C2orf72: variants seen among roughly 807,000 people sequenced by gnomAD.
C2orf72 encodes chromosome 2 open reading frame 72.
C2orf72 carries 16 observed loss-of-function variants against 14.4 expected under a neutral mutation model. The ratio of observed to expected loss-of-function variants is 1.11; its 90% confidence interval spans 0.75 to 1.69. C2orf72 has a LOEUF of 1.69. C2orf72 is among the 40% of genes most tolerant of loss of function. C2orf72 has a pLI of 0.00. For synonymous variants in C2orf72, 168 were observed against 176.8 expected (o/e 0.95, Z 0.40); for missense variants, 371 against 358.3 (o/e 1.04, Z -0.29).
Position 231,047,420 on chromosome 2 carries a change from A to C in C2orf72, c.*399A>C, listed in dbSNP as rs931144272. ...CAGCTGGGAAGAACTCTGAACCAGA[A>C]GTCATCAGAGCTGAGGCATGGCCTT... On this transcript the variant is annotated 3_prime_UTR_variant, in exon 3 of 3. Transcript: ENST00000373640. The C allele has an allele frequency of 2.8e-6, 1 of 354,894 alleles. No individual in the cohort carries two copies. The highest frequency in any genetic ancestry group is 2.1e-5 in the African/African-American group (1 of 46,812). 22.0% of individuals were successfully genotyped at this position (354,894 alleles called of 1,614,324 possible). A position where few individuals can be genotyped will look rare whatever the true frequency, so the allele number is the denominator to read the frequency against.
At chr2:231,045,161 G>A (rs1693398980) in intron 2 of C2orf72, among the ~76,000 whole-genome samples, 1 of 151,772 alleles carries the variant, frequency 6.6e-6, no homozygotes, top group Non-Finnish European at 1.5e-5. Context: ...CTACTCGGGA[G>A]GCTGAGGCAG....
intron 2 of C2orf72, among the ~76,000 whole-genome samples, chr2:231,044,057 C>G (rs1458218857): frequency 6.6e-6 from 1 of 152,102 alleles, no homozygotes; most frequent in Non-Finnish European, 1.5e-5. Flanking sequence ...AGCTGTGTGT[C>G]TCAACATACC....
At chr2:231,038,259 A>C in intron 1 of C2orf72, 60 bp downstream of exon 1, 1 of 1,142,966 alleles carries the variant, frequency 8.7e-7, no homozygotes, top group Non-Finnish European at 1.1e-6. Context: ...ACGTCCCCCA[A>C]GTTGGACCCC....
At chr2:231,044,944 T>TA (rs1693392081) in intron 2 of C2orf72, among the ~76,000 whole-genome samples, 15 of 114,288 alleles carry the variant, frequency 1.3e-4, no homozygotes, top group African/African-American at 6.0e-4. Flanking sequence ...TATATATATC[T>TA]TTATATATAT....
In C2orf72 at chr2:231,037,727, G is replaced by A. The variant is rs764918530; in HGVS notation, c.162G>A (p.Arg54=). 2 of 1,012,108 alleles carry A rather than the reference G, an allele frequency of 2.0e-6. No homozygotes were observed. Among genetic ancestry groups the A allele is most frequent in the African/African-American group, 1.8e-5 (1 of 57,114 alleles). 62.7% of individuals were successfully genotyped at this position (1,012,108 alleles called of 1,614,324 possible). A position where few individuals can be genotyped will look rare whatever the true frequency, so the allele number is the denominator to read the frequency against. ...GCGCGCTGCTGCGGGACTTCGCACG[G>A]GCGGTGTTCCCGCCGGAGCCAGGCG... ...QSRALLRDFA[R]AVFPPEPGAA... is the part of the protein sequence containing the mutation. The change falls in exon 1 of 3, where the codon CGG becomes CGA. Residue 54 remains arginine (R), a synonymous_variant. Transcript: ENST00000373640.
chr2:231,038,549 A>G (rs1168538609), intron 1 of C2orf72, among the ~76,000 whole-genome samples: 1 of 150,782 alleles, frequency 6.6e-6, no homozygotes, highest in Non-Finnish European at 1.5e-5. Flanking sequence ...GGAGTGGGGA[A>G]GGAAATGGGA....
chr2:231,047,864 C>T lies in C2orf72; in HGVS notation c.*843C>T, dbSNP rs1693439496. The T allele has an allele frequency of 6.6e-6, 1 of 152,584 alleles. No homozygotes were observed. The highest frequency in any genetic ancestry group is 1.5e-5 in the Non-Finnish European group (1 of 68,334). 9.5% of individuals were successfully genotyped at this position (152,584 alleles called of 1,614,324 possible). ...GCTGCAGGGCCAGGACAGAAATAGC[C>T]ACACATGCCGGTGAGAACAAAGAGC... On this transcript the variant is annotated 3_prime_UTR_variant, in exon 3 of 3. Coordinates refer to ENST00000373640, the MANE Select transcript of C2orf72 (RefSeq NM_001144994.2).
chr2:231,041,143 C>A (rs1406035559), intron 1 of C2orf72, 153 bp from the exon 2 acceptor site: 14 of 541,682 alleles, frequency 2.6e-5, no homozygotes, highest in Non-Finnish European at 4.2e-5. Context: ...TAAAAACCCA[C>A]CCACTTTTGC....
intron 2 of C2orf72, 41 bp downstream of exon 2, chr2:231,041,450 CATGGAATTATGGGAGT>C: frequency 1.4e-6 from 2 of 1,456,004 alleles, no homozygotes; most frequent in African/African-American, 1.4e-5. Context: ...GGGCCAGGTG[CATGGAATTATGGGAGT>C]GGTCACGTGA....
At position 231,037,576 on chromosome 2, in the gene C2orf72, A is replaced by G. The variant is rs1372809485; in HGVS notation, c.11A>G (p.Glu4Gly). 1 of 1,048,224 alleles carries G rather than the reference A, an allele frequency of 9.5e-7. No individual in the cohort carries two copies. The highest frequency in any genetic ancestry group is 1.1e-6 in the Non-Finnish European group (1 of 873,226). The allele number at this position is 1,048,224 out of a possible 1,614,324, so 64.9% of individuals were successfully genotyped here. The part of the protein sequence containing the change: MER[E>G]LEALAARLAR... The stretch of plus-strand genomic sequence containing the variant: ...CGGGCGGCGGCCAGCATGGAGCGCG[A>G]GCTGGAGGCGCTGGCGGCCCGGCTT... The change falls in exon 1 of 3, where the codon GAG becomes GGG. Residue 4 changes from glutamate (E) to glycine (G), a missense_variant. Transcript: ENST00000373640.
intron 2 of C2orf72, 88 bp from the exon 3 acceptor site, chr2:231,046,794 C>G: frequency 7.3e-6 from 10 of 1,363,754 alleles, no homozygotes; most frequent in Non-Finnish European, 6.9e-6. Context: ...TAGGTATTTG[C>G]TGGGGACAAC....
At chr2:231,045,253 G>C (rs1186229023) in intron 2 of C2orf72, among the ~76,000 whole-genome samples, 1 of 151,526 alleles carries the variant, frequency 6.6e-6, no homozygotes, top group African/African-American at 2.4e-5. Context: ...AACAGAGCAA[G>C]ACTCCATCTC....
chr2:231,047,050 C>G lies in C2orf72; in HGVS notation c.*29C>G, dbSNP rs1398449882. On this transcript the variant is annotated 3_prime_UTR_variant, in exon 3 of 3. Transcript: ENST00000373640. ...CTGGACCCTTGCGCTGTCCCTGGCT[C>G]TAACCTACAGACTGGGGCCTGGCTC... 3.9e-6 allele frequency: 6 copies of G among 1,551,414 alleles called. No individual in the cohort carries two copies. Among genetic ancestry groups the G allele is most frequent in the Admixed American group, 3.9e-5 (2 of 50,986 alleles).
rs151073921 is a variant in C2orf72 at position 231,042,634 on chromosome 2, A to C, written c.748+1225A>C. On this transcript the variant is annotated intron_variant, in intron 2 of 2. Transcript: ENST00000373640. ...CAGAAACAATGGATGGTGGTTCAAA[A>C]TTAACTTTCATTGTGTCTCTCATTT... is the stretch of plus-strand genomic sequence containing the variant. Among the ~76,000 whole-genome samples, 57 of 152,322 alleles carry C rather than the reference A, an allele frequency of 3.7e-4. 1 individual carries two copies. The East Asian group carries it at 0.01, about 28-fold the overall frequency.
rs1342898180 is a variant in C2orf72, at chr2:231,048,184, C to A, written c.*1163C>A. On this transcript the variant is annotated 3_prime_UTR_variant, in exon 3 of 3. Coordinates refer to ENST00000373640, the MANE Select transcript of C2orf72 (RefSeq NM_001144994.2). The stretch of plus-strand genomic sequence containing the variant: ...TGTGTTTATTCACGGAGGGAACTCA[C>A]CATTACCTCCCTTGTCTTCTTTGCC... 6.6e-6 allele frequency: 1 copy of A among 152,210 alleles called. No individual in the cohort carries two copies. Among genetic ancestry groups the A allele is most frequent in the Non-Finnish European group, 1.5e-5 (1 of 68,046 alleles). 9.4% of individuals were successfully genotyped at this position (152,210 alleles called of 1,614,324 possible). A position where few individuals can be genotyped will look rare whatever the true frequency, so the allele number is the denominator to read the frequency against.
chr2:231,044,376 C>T (rs193064152), intron 2 of C2orf72, among the ~76,000 whole-genome samples: 1 of 152,106 alleles, frequency 6.6e-6, no homozygotes, highest in Non-Finnish European at 1.5e-5. Context: ...GGCATGATGG[C>T]GCGTGCCTGT....
At chr2:231,039,498 G>T (rs1051034281) in intron 1 of C2orf72, among the ~76,000 whole-genome samples, 8 of 151,980 alleles carry the variant, frequency 5.3e-5, no homozygotes, top group Non-Finnish European at 1.0e-4. Flanking sequence ...GAGTATTGGC[G>T]TTGGTTGGGG....
Position 231,037,536 on chromosome 2 carries a change from G to C in C2orf72, c.-30G>C. The C allele has an allele frequency of 1.0e-6, 1 of 999,762 alleles. No homozygotes were observed. Among genetic ancestry groups the C allele is most frequent in the South Asian group, 4.5e-5 (1 of 22,142 alleles). The allele number at this position is 999,762 out of a possible 1,614,324, so 61.9% of individuals were successfully genotyped here. The stretch of plus-strand genomic sequence containing the variant: ...CGGGCAGCGGGTGCGCCCGGGCCGC[G>C]GCGGCCGCAGAGGGCGGGCGGCGGC... On this transcript the variant is annotated 5_prime_UTR_variant, in exon 1 of 3. Coordinates refer to ENST00000373640, the MANE Select transcript of C2orf72 (RefSeq NM_001144994.2).
In C2orf72 at chr2:231,037,586, G is replaced by A; in HGVS notation, c.21G>A (p.Ala7=). Reference sequence around the variant, plus strand: ...CCAGCATGGAGCGCGAGCTGGAGGCGCTGGCGGCCCGGCTTGCGCGCCCTG... The same window carrying A: ...CCAGCATGGAGCGCGAGCTGGAGGCACTGGCGGCCCGGCTTGCGCGCCCTG... MERELE[A]LAARLARPAE... is the part of the protein sequence containing the mutation. Residue 7 remains alanine (A), a synonymous_variant, in exon 1 of 3, where the codon GCG becomes GCA. Transcript: ENST00000373640. 1 of 1,060,338 alleles carries A rather than the reference G, an allele frequency of 9.4e-7. No individual in the cohort carries two copies. The highest frequency in any genetic ancestry group is 1.1e-6 in the Non-Finnish European group (1 of 879,830). The allele number at this position is 1,060,338 out of a possible 1,614,324, so 65.7% of individuals were successfully genotyped here. A position where few individuals can be genotyped will look rare whatever the true frequency, so the allele number is the denominator to read the frequency against.
Sources: allele counts gnomAD v4.1 joint callset (sites outside exome capture counted in the v4.1 genomes callset), GRCh38; gene constraint gnomAD v4.1.1; transcripts MANE v1.5; gene names NCBI Gene and HGNC (gene_info 2026-07-23, HGNC 2026-07-21).